DCDC2: variants seen among roughly 807,000 people sequenced by gnomAD.
The protein encoded by DCDC2 is doublecortin domain containing 2.
Under a neutral mutation model 50.2 loss-of-function variants are expected in DCDC2, and 40 were observed. The ratio of observed to expected loss-of-function variants is 0.80; its 90% CI spans 0.62 to 1.04. DCDC2 has a LOEUF of 1.04. Among genes scored for constraint, DCDC2 ranks in the 50% least tolerant of loss-of-function variants. DCDC2 has a pLI of 0.00. For synonymous variants in DCDC2, 234 were observed against 210.6 expected, an observed-to-expected ratio of 1.11 and a Z score of -0.96; for missense variants, 570 against 581.9, an observed-to-expected ratio of 0.98 and a Z score of 0.21.
chr6:24,357,341 G>T, intron 1 of DCDC2, 117 bp downstream of exon 1: 3 of 1,236,372 alleles, frequency 2.4e-6, no homozygotes, highest in East Asian at 2.4e-5. Context: ...CAATCACACC[G>T]AGAAGTCACA....
intron 6 of DCDC2, among the ~76,000 whole-genome samples, chr6:24,282,737 T>G (rs1763505574): frequency 6.8e-6 from 1 of 148,084 alleles, no homozygotes; most frequent in African/African-American, 2.5e-5. Context: ...CACGATGTAT[T>G]TCATGGGTGC....
chr6:24,357,995 G>C lies in DCDC2; in HGVS notation c.-245C>G. The C allele has an allele frequency of 1.4e-6, 2 of 1,379,446 alleles. No homozygotes were observed. The highest frequency in any genetic ancestry group is 1.9e-6 in the Non-Finnish European group (2 of 1,033,902). The allele number at this position is 1,379,446 out of a possible 1,614,324, so 85.5% of individuals were successfully genotyped here. ...CACCGTGGCGTGCACAGCCAATCAG[G>C]ACCCGCAGTGCGCGCACCACACCAG... is the stretch of plus-strand genomic sequence containing the variant. On this transcript the variant is annotated 5_prime_UTR_variant, in exon 1 of 10. Coordinates refer to ENST00000378454, the MANE Select transcript of DCDC2 (RefSeq NM_016356.5).
At chr6:24,264,834 TAA>T (rs533997010) in intron 7 of DCDC2, among the ~76,000 whole-genome samples, 31 of 143,644 alleles carry the variant, frequency 2.2e-4, no homozygotes, top group African/African-American at 6.6e-4. Context: ...CCGAATGGAT[TAA>T]AAAAAAAAAG....
chr6:24,192,030 A>G (rs922985268), intron 8 of DCDC2, among the ~76,000 whole-genome samples: 11 of 152,190 alleles, frequency 7.2e-5, no homozygotes, highest in African/African-American at 2.4e-4. Context: ...GTGGCTAAAA[A>G]TAGGTAGATT....
At chr6:24,338,585 T>C (rs1278469775) in intron 2 of DCDC2, among the ~76,000 whole-genome samples, 3 of 152,224 alleles carry the variant, frequency 2.0e-5, no homozygotes, top group Non-Finnish European at 2.9e-5. Context: ...AACCTTGCTG[T>C]AGCAATAAGA....
chr6:24,179,953 C>CAAAAAAA (rs56376644), intron 8 of DCDC2, among the ~76,000 whole-genome samples: 1 of 85,970 alleles, frequency 1.2e-5, no homozygotes, highest in Non-Finnish European at 2.1e-5. Context: ...GACTCCATCT[C>CAAAAAAA]AAAAAAAAAA....
chr6:24,183,787 A>G (rs1224782543), intron 8 of DCDC2, among the ~76,000 whole-genome samples: 1 of 152,216 alleles, frequency 6.6e-6, no homozygotes, highest in Non-Finnish European at 1.5e-5. Context: ...GCAGAGCACA[A>G]TAGGCAGGAA....
At position 24,266,722 on chromosome 6, in the gene DCDC2, A is replaced by G. The variant is rs142507280; in HGVS notation, c.922+11327T>C. Among the ~76,000 whole-genome samples, 4 of 152,326 alleles carry G rather than the reference A, an allele frequency of 2.6e-5. No individual in the cohort carries two copies. The East Asian group carries it at 7.7e-4, about 29-fold the overall frequency. On this transcript the variant is annotated intron_variant, in intron 7 of 9. Transcript: ENST00000378454. Reference sequence around the variant, plus strand: ...ACTTGTATACTGTTGATGGGAATGTAAATTAGCATAGCAGAACAGTATGGA... The same window carrying G: ...ACTTGTATACTGTTGATGGGAATGTGAATTAGCATAGCAGAACAGTATGGA...
intron 2 of DCDC2, among the ~76,000 whole-genome samples, chr6:24,348,354 A>G (rs2127252754): frequency 6.6e-6 from 1 of 152,328 alleles, no homozygotes. Context: ...AGATCTCCGT[A>G]AAAGATGGGA....
intron 7 of DCDC2, among the ~76,000 whole-genome samples, chr6:24,242,136 T>C (rs1762574969): frequency 6.6e-6 from 1 of 152,300 alleles, no homozygotes; most frequent in South Asian, 2.1e-4. Flanking sequence ...ATTGCACCAC[T>C]GCACTCCAGC....
chr6:24,334,074 T>A (rs1263175516), intron 2 of DCDC2, among the ~76,000 whole-genome samples: 1 of 152,218 alleles, frequency 6.6e-6, no homozygotes, highest in Non-Finnish European at 1.5e-5. Flanking sequence ...TTATTGCTAA[T>A]TGGAGTACAG....
intron 8 of DCDC2, among the ~76,000 whole-genome samples, chr6:24,181,606 C>T (rs74582074): frequency 0.076 from 11,534 of 152,190 alleles, 1,265 homozygotes; most frequent in African/African-American, 0.25. Context: ...AGGAATAAAA[C>T]ACTTAGGAGT....
chr6:24,258,453 A>G (rs1437619684), intron 7 of DCDC2, among the ~76,000 whole-genome samples: 1 of 152,046 alleles, frequency 6.6e-6, no homozygotes, highest in Non-Finnish European at 1.5e-5. Context: ...CTAGCCACAG[A>G]GCACTGATTG....
chr6:24,379,226 A>C, the DCDC2 span, among the ~76,000 whole-genome samples: 1 of 152,128 alleles, frequency 6.6e-6, no homozygotes, highest in African/African-American at 2.4e-5. Flanking sequence ...GCACAGCAAA[A>C]GAAGCTATCA....
intron 7 of DCDC2, among the ~76,000 whole-genome samples, chr6:24,220,908 G>A (rs1407874405): frequency 1.3e-5 from 2 of 150,884 alleles, no homozygotes; most frequent in African/African-American, 4.9e-5. Context: ...GCGAGCGAGA[G>A]AGTGAGCGAG....
At chr6:24,341,129 C>A (rs4599626) in intron 2 of DCDC2, among the ~76,000 whole-genome samples, 48,947 of 152,108 alleles carry the variant, frequency 0.32, 9,391 homozygotes, top group African/African-American at 0.54. Flanking sequence ...GAAACACAAA[C>A]ATACTCACTG....
the DCDC2 span, among the ~76,000 whole-genome samples, chr6:24,369,920 T>C: frequency 6.6e-6 from 1 of 151,778 alleles, no homozygotes; most frequent in African/African-American, 2.4e-5. Context: ...TGCATGCCTG[T>C]GGTCCCAGCT....
At chr6:24,352,389 A>C (rs1760390214) in intron 2 of DCDC2, among the ~76,000 whole-genome samples, 2 of 152,144 alleles carry the variant, frequency 1.3e-5, no homozygotes, top group South Asian at 4.1e-4. Flanking sequence ...CTTGAGACAG[A>C]TATCAACTGG....
chr6:24,190,132 G>A (rs73726615), intron 8 of DCDC2, among the ~76,000 whole-genome samples: 1 of 151,896 alleles, frequency 6.6e-6, no homozygotes, highest in Non-Finnish European at 1.5e-5. Flanking sequence ...AAAAAGGGTG[G>A]TTATATTCAG....
Sources: gnomAD v4.1 joint callset for allele counts (sites outside exome capture counted in the v4.1 genomes callset) on GRCh38, gnomAD v4.1.1 for gene constraint, MANE v1.5 for transcripts, NCBI Gene and HGNC (gene_info 2026-07-23, HGNC 2026-07-21) for gene names.